The following DAPK1 variants were observed in gnomAD, a reference collection of about 807,000 sequenced individuals.
DAPK1 encodes death associated protein kinase 1, also known as death-associated protein kinase 1.
Under a neutral mutation model 144.9 loss-of-function variants are expected in DAPK1, and 56 were observed. That is an observed-to-expected ratio of 0.39 (90% CI 0.31 to 0.48). DAPK1 has a LOEUF of 0.48. Ranked by LOEUF, DAPK1 falls within the 20% of genes least tolerant of loss-of-function variation. DAPK1 has a pLI of 0.95. For missense variants in DAPK1, 1,454 were observed against 1,875.4 expected, an observed-to-expected ratio of 0.78 and a Z score of 4.15; for synonymous variants, 690 against 749.0, an observed-to-expected ratio of 0.92 and a Z score of 1.29.
chr9:87,649,173 CAG>C (rs1830362007), intron 15 of DAPK1, among the ~76,000 whole-genome samples: 1 of 152,190 alleles, frequency 6.6e-6, no homozygotes, highest in African/African-American at 2.4e-5. Context: ...GAAATTGAGA[CAG>C]GGAAAGTTTC....
intron 2 of DAPK1, among the ~76,000 whole-genome samples, chr9:87,520,242 C>T (rs771049622): frequency 6.6e-6 from 1 of 152,044 alleles, no homozygotes. Flanking sequence ...ATTGTGTAAA[C>T]GGATTGATGG....
intron 2 of DAPK1, chr9:87,553,372 T>C (rs1826568426): frequency 6.6e-6 from 1 of 152,276 alleles, no homozygotes; most frequent in African/African-American, 2.4e-5. Flanking sequence ...GGATCTTTTC[T>C]TTTATCCGAT....
chr9:87,595,890 C>G (rs1239113295), intron 2 of DAPK1, among the ~76,000 whole-genome samples: 1 of 152,166 alleles, frequency 6.6e-6, no homozygotes, highest in East Asian at 1.9e-4. Context: ...GCTGCTTGCT[C>G]TACAAATCAC....
chr9:87,599,216 A>C (rs1828427757), intron 2 of DAPK1, among the ~76,000 whole-genome samples: 1 of 152,204 alleles, frequency 6.6e-6, no homozygotes, highest in African/African-American at 2.4e-5. Context: ...TAGTTATGCA[A>C]CTTACTCGCT....
intron 2 of DAPK1, among the ~76,000 whole-genome samples, chr9:87,571,461 AC>A (rs1827333632): frequency 1.6e-5 from 1 of 63,476 alleles, no homozygotes; most frequent in Non-Finnish European, 2.9e-5. Context: ...ACACACACAC[AC>A]ACACACACAC....
chr9:87,566,914 A>T (rs1023541039), intron 2 of DAPK1, among the ~76,000 whole-genome samples: 1 of 152,162 alleles, frequency 6.6e-6, no homozygotes, highest in Non-Finnish European at 1.5e-5. Context: ...CCTCCTTGCA[A>T]TCACTATGGA....
intron 19 of DAPK1, among the ~76,000 whole-genome samples, chr9:87,680,087 AATTTATTT>A (rs58756761): frequency 8.6e-5 from 13 of 150,914 alleles, no homozygotes; most frequent in East Asian, 7.7e-4. Flanking sequence ...AATATTTTAA[AATTTATTT>A]ATTTATTTAT....
intron 2 of DAPK1, among the ~76,000 whole-genome samples, chr9:87,597,364 T>C (rs1249761710): frequency 6.6e-6 from 1 of 152,108 alleles, no homozygotes; most frequent in Non-Finnish European, 1.5e-5. Context: ...GCAAACCAAA[T>C]ATGTCTCCAT....
At position 87,641,957 on chromosome 9, in the gene DAPK1, T is replaced by C. The variant is rs1830114251; in HGVS notation, c.829-12T>C. ...GAGAGCTTTAATTTTTTTTCTTGGA[T>C]TTTTATTTTAGCCTAAAGATACACA... On this transcript the variant is annotated splice_polypyrimidine_tract_variant and intron_variant, in intron 9 of 25. Coordinates refer to ENST00000408954, the MANE Select transcript of DAPK1 (RefSeq NM_004938.4). The C allele has an allele frequency of 2.5e-6, 4 of 1,592,340 alleles. No individual in the cohort carries two copies. The highest frequency in any genetic ancestry group is 3.4e-6 in the Non-Finnish European group (4 of 1,170,908).
intron 21 of DAPK1, among the ~76,000 whole-genome samples, chr9:87,689,607 C>G (rs1322487388): frequency 3.9e-5 from 6 of 151,908 alleles, no homozygotes; most frequent in African/African-American, 7.2e-5. Context: ...TGTCCTGAAG[C>G]CTGTCCTCTT....
At chr9:87,675,526 G>A (rs969945643) in intron 19 of DAPK1, among the ~76,000 whole-genome samples, 16 of 152,108 alleles carry the variant, frequency 1.1e-4, no homozygotes, top group Admixed American at 7.9e-4. Flanking sequence ...GACATGACCC[G>A]AGAGGCGGCA....
intron 2 of DAPK1, among the ~76,000 whole-genome samples, chr9:87,539,837 A>C (rs1587700478): frequency 6.6e-6 from 1 of 151,812 alleles, no homozygotes; most frequent in Non-Finnish European, 1.5e-5. Context: ...GACTGTCTGC[A>C]CTCCCTGCCT....
intron 18 of DAPK1, among the ~76,000 whole-genome samples, chr9:87,659,849 C>A (rs1830773112): frequency 6.6e-6 from 1 of 152,204 alleles, no homozygotes; most frequent in Non-Finnish European, 1.5e-5. Flanking sequence ...TCCGCACACA[C>A]CGGGGGCACA....
chr9:87,639,869 T>G (rs1830036661), intron 7 of DAPK1, 54 bp downstream of exon 7: 1 of 1,584,708 alleles, frequency 6.3e-7, no homozygotes, highest in African/African-American at 1.4e-5. Context: ...AGACCATAGG[T>G]TTAATTAACC....
At chr9:87,559,496 C>CT (rs1826831915) in intron 2 of DAPK1, among the ~76,000 whole-genome samples, 3 of 152,038 alleles carry the variant, frequency 2.0e-5, no homozygotes, top group Non-Finnish European at 1.5e-5. Context: ...TTTTAATATT[C>CT]TTTAATTTTA....
Position 87,643,479 on chromosome 9 carries a change from C to G in DAPK1, c.1011+11C>G, listed in dbSNP as rs760133659. 1 of 1,545,442 alleles carries G rather than the reference C, an allele frequency of 6.5e-7. No homozygotes were observed. The highest frequency in any genetic ancestry group is 2.4e-5 in the East Asian group (1 of 42,392). ...AGCGATGATACTCTGGTAAGCAAAC[C>G]CGTGAGCCCTGGTGCTCCTTTCTTA... On this transcript the variant is annotated intron_variant, in intron 11 of 25. Coordinates refer to ENST00000408954, the MANE Select transcript of DAPK1 (RefSeq NM_004938.4).
chr9:87,519,160 CT>C (rs140675537), intron 2 of DAPK1, among the ~76,000 whole-genome samples: 2,147 of 152,322 alleles, frequency 0.014, 70 homozygotes, highest in East Asian at 0.087. Context: ...GCCGATGCCC[CT>C]GGTCCCAACC....
At chr9:87,624,770 C>G (rs1485723639) in intron 3 of DAPK1, among the ~76,000 whole-genome samples, 1 of 152,214 alleles carries the variant, frequency 6.6e-6, no homozygotes, top group African/African-American at 2.4e-5. Flanking sequence ...ATGCCCACCA[C>G]AGCGCCAGAG....
intron 2 of DAPK1, among the ~76,000 whole-genome samples, chr9:87,601,653 C>G (rs867262906): frequency 5.6e-4 from 85 of 152,170 alleles, no homozygotes; most frequent in African/African-American, 2.0e-3. Context: ...TTAATAATAG[C>G]TAACAGTTAC....
Sources: gnomAD v4.1 joint callset for allele counts (sites outside exome capture counted in the v4.1 genomes callset) on GRCh38, gnomAD v4.1.1 for gene constraint, MANE v1.5 for transcripts, NCBI Gene and HGNC (gene_info 2026-07-23, HGNC 2026-07-21) for gene names.